The following RIN3 variants were observed in gnomAD, a reference collection of about 807,000 sequenced individuals.
The protein encoded by RIN3 is RAB5 interacting protein 3.
In RIN3, 54 loss-of-function variants were observed where a neutral mutation model predicts 76.3. The ratio of observed to expected loss-of-function variants is 0.71; its 90% CI spans 0.57 to 0.89. RIN3 has a LOEUF of 0.89. RIN3 is among the 40% of genes least tolerant of loss of function. The pLI is 0.00. For synonymous variants in RIN3, 576 were observed against 564.0 expected, an observed-to-expected ratio of 1.02 and a Z score of -0.30; for missense variants, 1,256 against 1,322.1, an observed-to-expected ratio of 0.95 and a Z score of 0.78.
rs1330775439 is a variant in RIN3 at position 92,623,037 on chromosome 14, G to A, written c.440+7558G>A. Among the ~76,000 whole-genome samples, 1 of 152,190 alleles carries A rather than the reference G, an allele frequency of 6.6e-6. No homozygotes were observed. Among genetic ancestry groups the A allele is most frequent in the African/African-American group, 2.4e-5 (1 of 41,432 alleles). Reference sequence around the variant, plus strand: ...CTTTGGACTAGTCCACGAATGCAGGGCATGATGCAGCATCCAACAAGAATA... The same window carrying A: ...CTTTGGACTAGTCCACGAATGCAGGACATGATGCAGCATCCAACAAGAATA... On this transcript the variant is annotated intron_variant, in intron 4 of 9. Transcript: ENST00000216487. This position sits in a 1 kb window ranked among gnomAD's most constrained non-coding sequence, Gnocchi z 4.9.
At chr14:92,667,884 GAAAGAGAGCT>G (rs138533650) in intron 7 of RIN3, among the ~76,000 whole-genome samples, 27,485 of 151,794 alleles carry the variant, frequency 0.18, 2,743 homozygotes, top group East Asian at 0.31. Flanking sequence ...GGGGGCATCT[GAAAGAGAGCT>G]AAAGAGAGCT....
intron 7 of RIN3, among the ~76,000 whole-genome samples, chr14:92,661,759 A>ACACAC (rs11436084): frequency 9.8e-6 from 1 of 101,848 alleles, no homozygotes; most frequent in South Asian, 3.5e-4. Context: ...ACACACACAC[A>ACACAC]AAAAATAGAA....
intron 1 of RIN3, chr14:92,515,266 C>A: frequency 1.4e-6 from 1 of 699,780 alleles, no homozygotes; most frequent in Non-Finnish European, 2.6e-6. Context: ...GAAGAGCCCC[C>A]CAACCCTCAC....
At chr14:92,555,641 C>T in intron 1 of RIN3, 110 bp from the exon 2 acceptor site, 1 of 1,025,934 alleles carries the variant, frequency 9.7e-7, no homozygotes, top group Non-Finnish European at 1.5e-6. Context: ...CAAAGGGCCA[C>T]TGACTACCTC....
chr14:92,546,242 A>C (rs78821081), intron 1 of RIN3, among the ~76,000 whole-genome samples: 1,878 of 152,164 alleles, frequency 0.012, 17 homozygotes, highest in Non-Finnish European at 0.021. Context: ...CTTTTCTTTT[A>C]TTGATAAATA....
intron 3 of RIN3, among the ~76,000 whole-genome samples, chr14:92,609,873 GTGTGTGTGTGTGTA>G (rs747306416): frequency 0.22 from 18,247 of 82,990 alleles, 1,365 homozygotes; most frequent in Non-Finnish European, 0.33. Flanking sequence ...GTGTGTGTGT[GTGTGTGTGTGTGTA>G]TGTATGTGTG....
intron 8 of RIN3, 100 bp from the exon 9 acceptor site, chr14:92,684,887 G>A (rs146643703): frequency 1.6e-6 from 2 of 1,273,710 alleles, no homozygotes; most frequent in East Asian, 2.3e-5. Flanking sequence ...AGCAGAGGTG[G>A]TGGGCGGGGC....
At chr14:92,592,624 GT>G (rs1470291410) in intron 3 of RIN3, among the ~76,000 whole-genome samples, 1 of 148,646 alleles carries the variant, frequency 6.7e-6, no homozygotes, top group Admixed American at 6.7e-5. Flanking sequence ...TTGTTATACT[GT>G]ATTGCTTTTA....
At chr14:92,661,758 C>CACACACA (rs373869994) in intron 7 of RIN3, among the ~76,000 whole-genome samples, 1 of 133,240 alleles carries the variant, frequency 7.5e-6, no homozygotes, top group Non-Finnish European at 1.5e-5. Context: ...CACACACACA[C>CACACACA]AAAAAATAGA....
chr14:92,561,038 A>ATATATATATATATAT (rs1555383834), intron 2 of RIN3, among the ~76,000 whole-genome samples: 1 of 14,620 alleles, frequency 6.8e-5, no homozygotes, highest in Non-Finnish European at 1.5e-4. Flanking sequence ...AAAAAAAAAA[A>ATATATATATATATAT]AAAAAAATAT....
chr14:92,534,148 A>G (rs1896942571), intron 1 of RIN3, among the ~76,000 whole-genome samples: 1 of 152,088 alleles, frequency 6.6e-6, no homozygotes, highest in East Asian at 1.9e-4. Flanking sequence ...CCCCTCCACA[A>G]AATGATTATA....
At chr14:92,529,761 G>T (rs953313290) in intron 1 of RIN3, among the ~76,000 whole-genome samples, 1 of 152,158 alleles carries the variant, frequency 6.6e-6, no homozygotes, top group South Asian at 2.1e-4. Flanking sequence ...TTTAGGATCC[G>T]AAGCGTAGTG....
intron 4 of RIN3, among the ~76,000 whole-genome samples, chr14:92,634,855 C>CA (rs1566878429): frequency 1.1e-4 from 11 of 104,686 alleles, no homozygotes; most frequent in African/African-American, 4.4e-4. Flanking sequence ...GAGACTCTAT[C>CA]TAAAAAAAAA....
In RIN3 at chr14:92,648,180, C is replaced by T. The variant is rs74074806; in HGVS notation, c.533-3402C>T. Among the ~76,000 whole-genome samples the T allele has an allele frequency of 0.07, 10,645 of 151,106 alleles. 1,180 individuals carry two copies. The highest frequency in any genetic ancestry group is 0.23 in the African/African-American group (9,633 of 41,038). ...GACCCCAGGATGCAGCCCATTAGCT[C>T]CTGGCTTCCCCCACTCCTTGGAGTC... On this transcript the variant is annotated intron_variant, in intron 5 of 9. Transcript: ENST00000216487. The surrounding 1 kb of genome is among the most constrained non-coding windows in gnomAD (Gnocchi z 4.1).
At chr14:92,665,780 A>T (rs1193362724) in intron 7 of RIN3, among the ~76,000 whole-genome samples, 4 of 145,836 alleles carry the variant, frequency 2.7e-5, no homozygotes, top group African/African-American at 1.0e-4. Context: ...TGTTTGTCAG[A>T]TGTTTCCTGA....
At position 92,650,262 on chromosome 14, in the gene RIN3, C is replaced by T. The variant is rs151106744; in HGVS notation, c.533-1320C>T. ...AAACACACAGGCTGTAGAACCAGCC[C>T]GACCTGGTCAAATCCCAGCGTCTCA... On this transcript the variant is annotated intron_variant, in intron 5 of 9. Transcript: ENST00000216487. Among the ~76,000 whole-genome samples the T allele has an allele frequency of 6.3e-4, 96 of 152,292 alleles. No homozygotes were observed. The Middle Eastern group carries it at 0.01, about 16-fold the overall frequency.
chr14:92,531,552 G>A (rs1307063461), intron 1 of RIN3, among the ~76,000 whole-genome samples: 1 of 152,258 alleles, frequency 6.6e-6, no homozygotes, highest in Non-Finnish European at 1.5e-5. Flanking sequence ...GGCGGCCCCT[G>A]TCAAGAAGCG....
In RIN3 at chr14:92,688,200, GC is replaced by G. The variant is rs1888949220; in HGVS notation, c.2907del (p.Gly970AlafsTer54). The G allele has an allele frequency of 6.2e-6, 10 of 1,605,644 alleles. No homozygotes were observed. Among genetic ancestry groups the G allele is most frequent in the African/African-American group, 1.3e-5 (1 of 74,794 alleles). On this transcript the variant is annotated frameshift_variant, in exon 10 of 10. Transcript: ENST00000216487. LOFTEE classifies it high-confidence loss of function. ...CGGCCCCTGGACGGTGGTGGCGGCG[GC>G]GGCGGCGGGAGCCCGCCCTGCCTGG... ...VYRPLDGGGG[G>X]GGGSPPCLVV...
At chr14:92,604,228 G>GC (rs914208671) in intron 3 of RIN3, among the ~76,000 whole-genome samples, 12 of 152,166 alleles carry the variant, frequency 7.9e-5, no homozygotes, top group East Asian at 1.9e-4. Context: ...CCCTGCAGGC[G>GC]CCCCCCCTCC....
Sources: allele counts gnomAD v4.1 joint callset (sites outside exome capture counted in the v4.1 genomes callset), GRCh38; gene constraint gnomAD v4.1.1; non-coding constraint Gnocchi (gnomAD v3.1); transcripts MANE v1.5; gene names NCBI Gene and HGNC (gene_info 2026-07-23, HGNC 2026-07-21).